The following PSMD3 variants were observed in gnomAD, a reference collection of about 807,000 sequenced individuals.
The protein encoded by PSMD3 is 26S proteasome non-ATPase regulatory subunit 3.
PSMD3 carries 5 observed loss-of-function variants against 62.8 expected under a neutral mutation model. The observed-to-expected ratio is 0.08, with a 90% confidence interval of 0.04 to 0.17. PSMD3 has a LOEUF of 0.17. Ranked by LOEUF, PSMD3 falls within the 10% of genes least tolerant of loss-of-function variation. The probability of loss-of-function intolerance (pLI) is 1.00; values close to 1 mark genes in which losing one functional copy is unlikely to be tolerated. For missense variants in PSMD3, 524 were observed against 713.6 expected, an observed-to-expected ratio of 0.73 and a Z score of 3.03; for synonymous variants, 265 against 283.9, an observed-to-expected ratio of 0.93 and a Z score of 0.67.
intron 2 of PSMD3, among the ~76,000 whole-genome samples, chr17:39,984,942 G>A (rs1025291595): frequency 2.7e-5 from 4 of 150,872 alleles, no homozygotes; most frequent in Admixed American, 2.0e-4. Context: ...GGCTAACATC[G>A]TCATCCCAGC....
chr17:39,986,832 A>T, intron 3 of PSMD3, 120 bp downstream of exon 3: 1 of 1,320,118 alleles, frequency 7.6e-7, no homozygotes, highest in Non-Finnish European at 1.0e-6. Flanking sequence ...TGTCCCCCAC[A>T]CTCTTTCCCC....
In PSMD3 at chr17:39,997,438, G is replaced by C. The variant is rs1176881886; in HGVS notation, c.1527+58G>C. On this transcript the variant is annotated intron_variant, in intron 11 of 11. Coordinates refer to ENST00000264639, the MANE Select transcript of PSMD3 (RefSeq NM_002809.4). ...GGTCAAACTTCCACACAGAAGGGGAGTCGGGCGAGTGTCTGGAAGGGCTGA... is the reference window on the plus strand; with the variant it reads ...GGTCAAACTTCCACACAGAAGGGGACTCGGGCGAGTGTCTGGAAGGGCTGA... The C allele has an allele frequency of 2.5e-6, 4 of 1,573,606 alleles. No individual in the cohort carries two copies. In the African/African-American group the frequency reaches 6.6e-5, roughly 26 times the overall value.
chr17:39,988,565 T>G, intron 3 of PSMD3, 118 bp from the exon 4 acceptor site: 1 of 1,211,286 alleles, frequency 8.3e-7, no homozygotes, highest in Non-Finnish European at 1.1e-6. Flanking sequence ...TATGTGAGCC[T>G]AAGTTTCCAG....
intron 2 of PSMD3, among the ~76,000 whole-genome samples, chr17:39,984,885 C>T (rs1980483923): frequency 6.6e-6 from 1 of 152,032 alleles, no homozygotes; most frequent in Non-Finnish European, 1.5e-5. Context: ...GGCACAGTGG[C>T]TCACACCTGT....
chr17:39,988,253 C>T (rs978074604), intron 3 of PSMD3, among the ~76,000 whole-genome samples: 3 of 152,198 alleles, frequency 2.0e-5, no homozygotes, highest in Non-Finnish European at 2.9e-5. Context: ...CTTACCCAGC[C>T]CCTGGCCGCT....
chr17:39,985,485 C>T (rs1280744895), intron 2 of PSMD3, among the ~76,000 whole-genome samples: 1 of 152,220 alleles, frequency 6.6e-6, no homozygotes, highest in Non-Finnish European at 1.5e-5. Flanking sequence ...GAGACCTCTC[C>T]TTATCCTCTG....
In PSMD3 at chr17:39,997,607, G is replaced by A; in HGVS notation, c.*26G>A. 3.2e-6 allele frequency: 5 copies of A among 1,584,756 alleles called. No homozygotes were observed. Among genetic ancestry groups the A allele is most frequent in the Non-Finnish European group, 4.3e-6 (5 of 1,155,270 alleles). On this transcript the variant is annotated 3_prime_UTR_variant, in exon 12 of 12. Coordinates refer to ENST00000264639, the MANE Select transcript of PSMD3 (RefSeq NM_002809.4). ...GCTGGGGGGCTGGGGAGGGGTAGGG[G>A]GAATGGGGACAGGCTCTTTCCCCCT...
At position 39,995,242 on chromosome 17, in the gene PSMD3, C is replaced by T. The variant is rs62621374; in HGVS notation, c.1163C>T (p.Ala388Val). The stretch of plus-strand genomic sequence containing the variant: ...GATCAGTTTGGGGAGAAGTTTCAAG[C>T]AGATGGGACCTACACCCTAATTATC... The part of the protein sequence containing the change: ...VLDQFGEKFQ[A>V]DGTYTLIIRL... Residue 388 changes from alanine (A) to valine (V), a missense_variant, in exon 8 of 12, where the codon GCA becomes GTA. Physicochemically the swap from Ala to Val is moderately conservative, Grantham distance 64 (BLOSUM62 0). This residue lies in a region of PSMD3 where 32 missense variants were observed against 85.4 expected (regional missense o/e 0.37). Coordinates refer to ENST00000264639, the MANE Select transcript of PSMD3 (RefSeq NM_002809.4). This position sits in a 1 kb window ranked among gnomAD's most constrained non-coding sequence, Gnocchi z 4.1. 97 of 1,614,050 alleles carry T rather than the reference C, an allele frequency of 6.0e-5. No homozygotes were observed. The highest frequency in any genetic ancestry group is 6.7e-5 in the Admixed American group (4 of 59,998).
chr17:39,981,195 G>C lies in PSMD3; in HGVS notation c.220+5G>C. The stretch of plus-strand genomic sequence containing the variant: ...TGGACACAGTCACCTTGGAGGGTAC[G>C]GCAGCCCAGGCCGGGAACGTGCCGC... On this transcript the variant is annotated splice_donor_5th_base_variant and intron_variant, in intron 1 of 11. Transcript: ENST00000264639. The C allele has an allele frequency of 6.5e-7, 1 of 1,549,946 alleles. No homozygotes were observed. The highest frequency in any genetic ancestry group is 8.7e-7 in the Non-Finnish European group (1 of 1,146,664).
At chr17:39,985,089 A>T (rs1980491475) in intron 2 of PSMD3, among the ~76,000 whole-genome samples, 1 of 152,014 alleles carries the variant, frequency 6.6e-6, no homozygotes, top group Admixed American at 6.6e-5. Flanking sequence ...TTAGCCAGGC[A>T]TGGTGGCACC....
At chr17:39,991,202 C>T (rs555847452) in intron 6 of PSMD3, among the ~76,000 whole-genome samples, 184 of 152,080 alleles carry the variant, frequency 1.2e-3, no homozygotes, top group African/African-American at 4.3e-3. Flanking sequence ...GTCTCCCAGG[C>T]TGGAGACAGA....
intron 1 of PSMD3, among the ~76,000 whole-genome samples, chr17:39,983,778 C>G (rs1363571153): frequency 6.6e-6 from 1 of 152,166 alleles, no homozygotes; most frequent in African/African-American, 2.4e-5. Flanking sequence ...CCTGCACCCC[C>G]ACTGTATGTT....
At chr17:39,982,001 G>C (rs1980398882) in intron 1 of PSMD3, among the ~76,000 whole-genome samples, 1 of 152,196 alleles carries the variant, frequency 6.6e-6, no homozygotes, top group Non-Finnish European at 1.5e-5. Flanking sequence ...CAAAGTGAGA[G>C]CTTCCCACTG....
At position 39,981,071 on chromosome 17, in the gene PSMD3, A is replaced by C; in HGVS notation, c.101A>C (p.Asp34Ala). Residue 34 changes from aspartate (D) to alanine (A), a missense_variant, in exon 1 of 12, where the codon GAT becomes GCT. Asp to Ala is a moderately radical substitution (Grantham distance 126). This residue lies in a region of PSMD3 where 396 missense variants were observed against 475.8 expected (regional missense o/e 0.83). Transcript: ENST00000264639. ...CCCCCACCGCCGCCGGCCCCCCAGGATGTGGAGATGAAAGAGGAGGCAGCG... is the reference window on the plus strand; with the variant it reads ...CCCCCACCGCCGCCGGCCCCCCAGGCTGTGGAGATGAAAGAGGAGGCAGCG... ...QEPPPPPAPQ[D>A]VEMKEEAATG... 6.4e-7 allele frequency: 1 copy of C among 1,550,408 alleles called. No homozygotes were observed. Among genetic ancestry groups the C allele is most frequent in the Non-Finnish European group, 8.7e-7 (1 of 1,146,732 alleles).
rs1181492178 is a variant in PSMD3, at chr17:39,988,688, G to A, written c.555G>A (p.Gln185=). ...MMNSKRYKEA[Q]KISDDLMQKI... is the part of the protein sequence containing the mutation. ...TCTTTTGGCTTCCTCCCCAGGCACA[G>A]AAGATCTCTGATGATCTGATGCAGA... Residue 185 remains glutamine, a synonymous_variant, in exon 4 of 12, where the codon CAG becomes CAA. Transcript: ENST00000264639. 1 of 1,614,154 alleles carries A rather than the reference G, an allele frequency of 6.2e-7. No homozygotes were observed. The highest frequency in any genetic ancestry group is 1.1e-5 in the South Asian group (1 of 91,084).
chr17:39,997,409 G>A lies in PSMD3; in HGVS notation c.1527+29G>A, dbSNP rs756166860. 47 of 1,613,546 alleles carry A rather than the reference G, an allele frequency of 2.9e-5. No individual in the cohort carries two copies. The East Asian group carries it at 3.1e-4, about 11-fold the overall frequency. On this transcript the variant is annotated intron_variant, in intron 11 of 11. Coordinates refer to ENST00000264639, the MANE Select transcript of PSMD3 (RefSeq NM_002809.4). ...AGCTCTCTGCTTTCTGGGTGAGACC[G>A]AAAGGTCAAACTTCCACACAGAAGG...
At position 39,984,278 on chromosome 17, in the gene PSMD3, C is replaced by G. The variant is rs1568135957; in HGVS notation, c.221-16C>G. 3 of 1,549,686 alleles carry G rather than the reference C, an allele frequency of 1.9e-6. No individual in the cohort carries two copies. The highest frequency in any genetic ancestry group is 2.6e-6 in the Non-Finnish European group (3 of 1,139,676). ...GGAGTGAAAGTGACATCATTTTCTT[C>G]TCTGCTCTTCTTCAGACATCAAGGA... On this transcript the variant is annotated splice_polypyrimidine_tract_variant and intron_variant, in intron 1 of 11. Transcript: ENST00000264639.
chr17:39,994,554 C>T (rs1304995340), intron 6 of PSMD3: 1 of 242,110 alleles, frequency 4.1e-6, no homozygotes, highest in Non-Finnish European at 8.2e-6. Flanking sequence ...TAACAGTCCG[C>T]CTCCCTAATG....
In PSMD3 at chr17:39,997,660, C is replaced by T; in HGVS notation, c.*79C>T. 6.7e-7 allele frequency: 1 copy of T among 1,485,444 alleles called. No homozygotes were observed. Among genetic ancestry groups the T allele is most frequent in the Non-Finnish European group, 9.3e-7 (1 of 1,079,202 alleles). The allele number at this position is 1,485,444 out of a possible 1,614,324, so 92.0% of individuals were successfully genotyped here. On this transcript the variant is annotated 3_prime_UTR_variant, in exon 12 of 12. Coordinates refer to ENST00000264639, the MANE Select transcript of PSMD3 (RefSeq NM_002809.4). ...GGGGTCCCCTGCCCAGGGCACTGTC[C>T]CCATTTTCCCACACACAGCTCATAT...
Sources: gnomAD v4.1 joint callset for allele counts (sites outside exome capture counted in the v4.1 genomes callset) on GRCh38, gnomAD v4.1.1 for gene constraint, gnomAD v4.1.1 regional missense constraint, Gnocchi (gnomAD v3.1) non-coding constraint, MANE v1.5 for transcripts, NCBI Gene and HGNC (gene_info 2026-07-23, HGNC 2026-07-21) for gene names.